Variants in DNAH11 observed in about 807,000 individuals in gnomAD.
DNAH11 encodes axonemal beta dynein heavy chain 11.
A neutral mutation model predicts 526.0 loss-of-function variants in DNAH11; 442 were observed. The observed-to-expected ratio is 0.84, with a 90% CI of 0.78 to 0.91. The LOEUF is 0.91. Among genes scored for constraint, DNAH11 ranks in the 40% least tolerant of loss-of-function variants. The pLI is 0.00. For missense variants in DNAH11, 6,989 were observed against 5,448.7 expected (o/e 1.28, Z -8.90); for synonymous variants, 2,461 against 1,935.9 (o/e 1.27, Z -7.12).
chr7:21,870,435 G>A (rs1166884529), intron 73 of DNAH11, among the ~76,000 whole-genome samples: 3 of 152,136 alleles, frequency 2.0e-5, no homozygotes, highest in Non-Finnish European at 4.4e-5. Context: ...TTTGTAAGGG[G>A]ACTTGAGGGC....
At position 21,745,031 on chromosome 7, in the gene DNAH11, C is replaced by T. The variant is rs62445328; in HGVS notation, c.8478C>T (p.His2826=). 6.5e-3 allele frequency: 10,424 copies of T among 1,609,286 alleles called. 47 individuals carry two copies. The highest frequency in any genetic ancestry group is 8.3e-3 in the Non-Finnish European group (9,759 of 1,177,758). ...DNYNELNAAM[H]LVLFEDAMQH... is the part of the protein sequence containing the mutation. ...ACAATGAACTAAATGCTGCCATGCA[C>T]CTAGTTTTGTTTGAAGATGCCATGC... The change falls in exon 51 of 82, where the codon CAC becomes CAT. Residue 2826 remains histidine (H), a synonymous_variant. Coordinates refer to ENST00000409508, the MANE Select transcript of DNAH11 (RefSeq NM_001277115.2).
At chr7:21,706,775 G>T (rs375048111) in intron 39 of DNAH11, among the ~76,000 whole-genome samples, 162 of 152,252 alleles carry the variant, frequency 1.1e-3, no homozygotes, top group African/African-American at 3.4e-3. Flanking sequence ...CAAAGTGTTT[G>T]CCAATTGTTT....
chr7:21,553,501 C>T (rs1359853977), intron 2 of DNAH11, among the ~76,000 whole-genome samples: 1 of 152,154 alleles, frequency 6.6e-6, no homozygotes, highest in Admixed American at 6.5e-5. Flanking sequence ...ACTTCTTCTC[C>T]CTCGGGTCCC....
chr7:21,759,734 G>T (rs1391579403), intron 54 of DNAH11, among the ~76,000 whole-genome samples: 3 of 152,188 alleles, frequency 2.0e-5, no homozygotes, highest in Non-Finnish European at 4.4e-5. Flanking sequence ...ATTACCAGAT[G>T]AAATGGACTG....
rs757758371 is a variant in DNAH11, at chr7:21,673,360, G to A, written c.5329-8186G>A. Among the ~76,000 whole-genome samples, 49 of 152,176 alleles carry A rather than the reference G, an allele frequency of 3.2e-4. 1 individual carries two copies. The highest frequency in any genetic ancestry group is 3.7e-4 in the Non-Finnish European group (25 of 68,032). ...GAATACTAATCGTGCCTACTTCGTA[G>A]AGTTGTGATGATTAAATTAGAAAAC... On this transcript the variant is annotated intron_variant, in intron 30 of 81. Coordinates refer to ENST00000409508, the MANE Select transcript of DNAH11 (RefSeq NM_001277115.2).
chr7:21,790,916 G>A (rs1232325648), intron 61 of DNAH11, among the ~76,000 whole-genome samples: 1 of 152,216 alleles, frequency 6.6e-6, no homozygotes, highest in Non-Finnish European at 1.5e-5. Flanking sequence ...GCCTTTGAAA[G>A]ATTTTAACAA....
Position 21,901,300 on chromosome 7 carries a change from T to TTTTCTAGCATGTTGCTG in DNAH11, c.*47_*63dup. ...AGCCTCTGCTGGAGTGCAGTGAGGATTTTCTAGCATGTTGCTGCACTGTTC... is the reference window on the plus strand; with the variant it reads ...AGCCTCTGCTGGAGTGCAGTGAGGATTTTCTAGCATGTTGCTGTTTCTAGCATGTTGCTGCACTGTTC... On this transcript the variant is annotated 3_prime_UTR_variant, in exon 82 of 82. Transcript: ENST00000409508. 6.4e-7 allele frequency: 1 copy of TTTTCTAGCATGTTGCTG among 1,551,264 alleles called. No homozygotes were observed. Among genetic ancestry groups the TTTTCTAGCATGTTGCTG allele is most frequent in the Non-Finnish European group, 8.7e-7 (1 of 1,150,036 alleles).
intron 67 of DNAH11, among the ~76,000 whole-genome samples, chr7:21,854,101 T>C (rs1782740140): frequency 6.6e-6 from 1 of 152,186 alleles, no homozygotes; most frequent in African/African-American, 2.4e-5. Flanking sequence ...CCGCTAGAGT[T>C]ATGTCCATTC....
intron 27 of DNAH11, 83 bp from the exon 28 acceptor site, chr7:21,638,856 A>G (rs1220841915): frequency 6.7e-7 from 1 of 1,486,614 alleles, no homozygotes; most frequent in South Asian, 1.3e-5. Context: ...ATGAATGGAC[A>G]TAGAGGACTT....
At chr7:21,661,423 G>T (rs1048087441) in intron 30 of DNAH11, among the ~76,000 whole-genome samples, 2 of 151,386 alleles carry the variant, frequency 1.3e-5, no homozygotes, top group Admixed American at 1.3e-4. Context: ...AATCCAGCTG[G>T]GTATAGAATT....
intron 65 of DNAH11, among the ~76,000 whole-genome samples, chr7:21,830,592 T>A (rs1318831583): frequency 6.6e-6 from 1 of 152,188 alleles, no homozygotes; most frequent in Non-Finnish European, 1.5e-5. Context: ...AAATGAACTT[T>A]ATACTAGGAG....
intron 8 of DNAH11, among the ~76,000 whole-genome samples, chr7:21,573,990 C>T (rs117369374): frequency 0.011 from 1,750 of 152,202 alleles, 55 homozygotes; most frequent in South Asian, 0.078. Flanking sequence ...ATTGGCGTAC[C>T]GAAAGGTTTG....
At chr7:21,668,784 G>A (rs944074204) in intron 30 of DNAH11, among the ~76,000 whole-genome samples, 1 of 152,108 alleles carries the variant, frequency 6.6e-6, no homozygotes, top group African/African-American at 2.4e-5. Flanking sequence ...TTCTAAGGCT[G>A]CTTTAAACAT....
intron 51 of DNAH11, among the ~76,000 whole-genome samples, chr7:21,745,721 CA>C (rs1786118815): frequency 6.6e-6 from 1 of 152,190 alleles, no homozygotes; most frequent in Non-Finnish European, 1.5e-5. Flanking sequence ...AGAGAATAAG[CA>C]AGAAAAATAT....
chr7:21,700,395 T>C (rs1041207463), intron 36 of DNAH11, among the ~76,000 whole-genome samples: 10 of 152,212 alleles, frequency 6.6e-5, no homozygotes, highest in Non-Finnish European at 8.8e-5. Context: ...TTTTGACCAT[T>C]GGAATGATAT....
intron 61 of DNAH11, among the ~76,000 whole-genome samples, chr7:21,799,498 C>T (rs559412965): frequency 8.1e-4 from 123 of 152,146 alleles, no homozygotes; most frequent in African/African-American, 2.3e-3. Flanking sequence ...CCACCACGCC[C>T]GGCTAATTTT....
At chr7:21,629,492 T>C (rs971860738) in intron 25 of DNAH11, among the ~76,000 whole-genome samples, 4 of 152,152 alleles carry the variant, frequency 2.6e-5, no homozygotes, top group Non-Finnish European at 1.5e-5. Flanking sequence ...TGTCCATTTC[T>C]AAGAATGGGG....
At chr7:21,633,045 C>T (rs552325372) in intron 25 of DNAH11, among the ~76,000 whole-genome samples, 3 of 152,190 alleles carry the variant, frequency 2.0e-5, no homozygotes, top group Non-Finnish European at 4.4e-5. Context: ...GACAAGACAG[C>T]TTGTGCTGGC....
At chr7:21,812,739 C>T (rs1046213094) in intron 63 of DNAH11, among the ~76,000 whole-genome samples, 15 of 152,128 alleles carry the variant, frequency 9.9e-5, no homozygotes, top group African/African-American at 3.6e-4. Flanking sequence ...TGAAATGAGA[C>T]TCTAGAACAA....
Sources: allele counts gnomAD v4.1 joint callset (sites outside exome capture counted in the v4.1 genomes callset), GRCh38; gene constraint gnomAD v4.1.1; transcripts MANE v1.5; gene names NCBI Gene and HGNC (gene_info 2026-07-23, HGNC 2026-07-21).